The following OTOS variants were observed in gnomAD, a reference collection of about 807,000 sequenced individuals.
OTOS encodes otospiralin.
In OTOS, 14 loss-of-function variants were observed where a neutral mutation model predicts 12.5. The ratio of observed to expected loss-of-function variants is 1.12; its 90% CI spans 0.74 to 1.76. The LOEUF (loss-of-function observed/expected upper bound fraction) is 1.76, where lower values mean the gene tolerates loss of function less well. OTOS is among the 40% of genes most tolerant of loss of function. The probability of loss-of-function intolerance (pLI) is 0.00; values close to 1 mark genes in which losing one functional copy is unlikely to be tolerated. For missense variants in OTOS, 141 were observed against 112.8 expected (o/e 1.25, Z -1.13); for synonymous variants, 49 against 47.6 (o/e 1.03, Z -0.12).
intron 1 of OTOS, 25 bp downstream of exon 1, chr2:240,140,595 T>C (rs1056692782): frequency 2.2e-5 from 11 of 494,960 alleles, no homozygotes; most frequent in African/African-American, 2.2e-4. Flanking sequence ...CCCCCTCCAC[T>C]CTGCCTGGCC....
chr2:240,139,108 G>A lies in OTOS; in HGVS notation c.*62C>T, dbSNP rs770616434. On this transcript the variant is annotated 3_prime_UTR_variant, in exon 4 of 4. Coordinates refer to ENST00000319460, the MANE Select transcript of OTOS (RefSeq NM_148961.4). ...GGCCAGGTTTTTGCGGGGACTCCAT[G>A]CCTGTGGAGGCCCGACCGAGTGCAG... is the stretch of plus-strand genomic sequence containing the variant. 6.4e-7 allele frequency: 1 copy of A among 1,554,602 alleles called. No homozygotes were observed. The highest frequency in any genetic ancestry group is 8.8e-7 in the Non-Finnish European group (1 of 1,142,670).
intron 2 of OTOS, 68 bp downstream of exon 2, chr2:240,140,201 G>T: frequency 6.3e-7 from 1 of 1,589,102 alleles, no homozygotes; most frequent in Admixed American, 1.7e-5. Flanking sequence ...GGATGCATGC[G>T]GGAGGGGAGA....
Position 240,139,334 on chromosome 2 carries a change from C to G in OTOS, c.106G>C (p.Ala36Pro), listed in dbSNP as rs757655744. The G allele has an allele frequency of 6.2e-7, 1 of 1,613,638 alleles. No homozygotes were observed. The highest frequency in any genetic ancestry group is 8.5e-7 in the Non-Finnish European group (1 of 1,179,730). Residue 36 changes from alanine to proline, a missense_variant, in exon 4 of 4, where the codon GCC (alanine) becomes CCC (proline). Coordinates refer to ENST00000319460, the MANE Select transcript of OTOS (RefSeq NM_148961.4). Reference protein sequence around the residue: ...EEGDPYAELPAMPYWPFSTSD... With the variant: ...EEGDPYAELPPMPYWPFSTSD... ...GTGGAGAAAGGCCAGTAGGGCATGG[C>G]CGGCAGCTCCGCGTAAGGGTCTGAA... is the stretch of plus-strand genomic sequence containing the variant.
chr2:240,140,248 C>G (rs1341386303), intron 2 of OTOS, 21 bp downstream of exon 2: 3 of 1,584,446 alleles, frequency 1.9e-6, no homozygotes. Flanking sequence ...GTGGCTGCCT[C>G]CCTCCAGAGC....
intron 1 of OTOS, 87 bp downstream of exon 1, chr2:240,140,533 G>A (rs1302641567): frequency 2.9e-5 from 17 of 583,178 alleles, no homozygotes; most frequent in South Asian, 1.1e-4. Flanking sequence ...CTATTTGGAG[G>A]TGAAATCCCT....
In OTOS at chr2:240,140,060, A is replaced by G. The variant is rs776389353; in HGVS notation, c.85+2T>C. ...GAAAGGAAAGAAATTGGAGAACGGT[A>G]CCTCCTTCCTCCTGCACAGGCTTGG... On this transcript the variant is annotated splice_donor_variant, in intron 3 of 3. Transcript: ENST00000319460. LOFTEE classifies it high-confidence loss of function. 1 of 1,613,222 alleles carries G rather than the reference A, an allele frequency of 6.2e-7. No individual in the cohort carries two copies. Among genetic ancestry groups the G allele is most frequent in the South Asian group, 1.1e-5 (1 of 90,952 alleles).
rs546280148 is a variant in OTOS, at chr2:240,139,164, C to T, written c.*6G>A. 63 of 1,610,940 alleles carry T rather than the reference C, an allele frequency of 3.9e-5. 2 individuals carry two copies. In the South Asian group the frequency reaches 6.4e-4, roughly 16 times the overall value. On this transcript the variant is annotated 3_prime_UTR_variant, in exon 4 of 4. Coordinates refer to ENST00000319460, the MANE Select transcript of OTOS (RefSeq NM_148961.4). ...CGGGGTGGGCGGGCACCAGGCTGGA[C>T]ACCATTCAGTCCTCCTGATAGGGAA...
intron 2 of OTOS, 35 bp downstream of exon 2, chr2:240,140,234 C>T (rs2072043509): frequency 6.3e-7 from 1 of 1,582,792 alleles, no homozygotes; most frequent in African/African-American, 1.3e-5. Context: ...TGTCGGGGGT[C>T]CTGGTGGCTG....
At chr2:240,140,129 C>G (rs369183194) in intron 2 of OTOS, 41 bp from the exon 3 acceptor site, 29 of 1,611,048 alleles carry the variant, frequency 1.8e-5, no homozygotes, top group Middle Eastern at 1.7e-4. Context: ...GAGGACCACC[C>G]AGGTGCCGGT....
chr2:240,140,559 A>C (rs1224006244), intron 1 of OTOS, 61 bp downstream of exon 1: 5 of 546,432 alleles, frequency 9.2e-6, no homozygotes, highest in Admixed American at 3.6e-5. Context: ...AATTGGCCTT[A>C]ATTCCCATGA....
intron 1 of OTOS, 21 bp from the exon 2 acceptor site, chr2:240,140,465 T>TAAAA: frequency 1.2e-6 from 1 of 839,220 alleles, no homozygotes; most frequent in Non-Finnish European, 1.8e-6. Context: ...TGGCATGGAT[T>TAAAA]TAAAAAAAAA....
chr2:240,139,174 T>C lies in OTOS; in HGVS notation c.266A>G (p.Asp89Gly). 1 of 1,613,032 alleles carries C rather than the reference T, an allele frequency of 6.2e-7. No homozygotes were observed. The highest frequency in any genetic ancestry group is 8.5e-7 in the Non-Finnish European group (1 of 1,179,602). Residue 89 changes from aspartate to glycine, a missense_variant, in exon 4 of 4, where the codon GAC (aspartate) becomes GGC (glycine). Transcript: ENST00000319460. ...TLGFHVPYQE[D>G] ...GGGCACCAGGCTGGACACCATTCAG[T>C]CCTCCTGATAGGGAACGTGGAAGCC... is the stretch of plus-strand genomic sequence containing the variant.
chr2:240,139,214 G>C lies in OTOS; in HGVS notation c.226C>G (p.Leu76Val), dbSNP rs2072030006. ...MARTFFAHFPLGSTLGFHVPY... is the reference protein window; with the variant it reads ...MARTFFAHFPVGSTLGFHVPY... ...ACGTGGAAGCCCAGCGTGCTCCCCA[G>C]GGGGAAGTGGGCAAAGAAGGTTCGG... The change falls in exon 4 of 4, where the codon CTG becomes GTG. Residue 76 changes from leucine (L) to valine (V), a missense_variant. Leu to Val is a conservative substitution (Grantham distance 32). Transcript: ENST00000319460. The C allele has an allele frequency of 6.2e-7, 1 of 1,614,094 alleles. No individual in the cohort carries two copies. The highest frequency in any genetic ancestry group is 8.5e-7 in the Non-Finnish European group (1 of 1,180,002).
In OTOS at chr2:240,140,383, G is replaced by A; in HGVS notation, c.-57C>T. ...CCCACCTGCAGCAGGATGAACCCAG[G>A]AAGGGCGAGACCACCCATCCGTCAG... On this transcript the variant is annotated 5_prime_UTR_variant, in exon 2 of 4. Transcript: ENST00000319460. The A allele has an allele frequency of 6.6e-7, 1 of 1,510,462 alleles. No homozygotes were observed. Among genetic ancestry groups the A allele is most frequent in the Non-Finnish European group, 8.9e-7 (1 of 1,121,606 alleles). 93.6% of individuals were successfully genotyped at this position (1,510,462 alleles called of 1,614,324 possible).
At chr2:240,140,028 T>A in intron 3 of OTOS, 34 bp downstream of exon 3, 1 of 1,610,834 alleles carries the variant, frequency 6.2e-7, no homozygotes, top group South Asian at 1.1e-5. Flanking sequence ...CAGTTACTTA[T>A]GCAAATGAAA....
In OTOS at chr2:240,139,207, C is replaced by T. The variant is rs140875882; in HGVS notation, c.233G>A (p.Ser78Asn). 1.1e-5 allele frequency: 17 copies of T among 1,613,898 alleles called. No individual in the cohort carries two copies. The African/African-American group carries it at 2.3e-4, about 22-fold the overall frequency. The change falls in exon 4 of 4, where the codon AGC (serine) becomes AAC (asparagine). Residue 78 changes from serine to asparagine, a missense_variant. Coordinates refer to ENST00000319460, the MANE Select transcript of OTOS (RefSeq NM_148961.4). ...RTFFAHFPLG[S>N]TLGFHVPYQE... ...ATAGGGAACGTGGAAGCCCAGCGTG[C>T]TCCCCAGGGGGAAGTGGGCAAAGAA...
rs2072026863 is a variant in OTOS, at chr2:240,139,046, G to A, written c.*124C>T. ...GCTGGTTGTGCATCTTCAGTCCGGA[G>A]TTTATTGAGCGTGAGACCAGGCCTG... On this transcript the variant is annotated 3_prime_UTR_variant, in exon 4 of 4. Transcript: ENST00000319460. The A allele has an allele frequency of 9.7e-7, 1 of 1,025,784 alleles. No homozygotes were observed. The highest frequency in any genetic ancestry group is 2.8e-5 in the Admixed American group (1 of 35,336). 63.5% of individuals were successfully genotyped at this position (1,025,784 alleles called of 1,614,324 possible). A position where few individuals can be genotyped will look rare whatever the true frequency, so the allele number is the denominator to read the frequency against.
chr2:240,140,280 C>A lies in OTOS; in HGVS notation c.47G>T (p.Gly16Val), dbSNP rs781042715. The A allele has an allele frequency of 1.8e-5, 29 of 1,595,860 alleles. No homozygotes were observed. The East Asian group carries it at 6.1e-4, about 34-fold the overall frequency. ...GAGCGGCCCCTCACCTGCAAGAGGC[C>A]CCAGTAGGAGGCAGAGGGCCAGCCC... is the stretch of plus-strand genomic sequence containing the variant. ...VPGLALCLLL[G>V]PLAGAKPVQE... Residue 16 changes from glycine to valine, a missense_variant, in exon 2 of 4, where the codon GGG becomes GTG. Coordinates refer to ENST00000319460, the MANE Select transcript of OTOS (RefSeq NM_148961.4).
intron 2 of OTOS, 64 bp from the exon 3 acceptor site, chr2:240,140,152 A>T (rs1185063327): frequency 1.2e-6 from 2 of 1,604,976 alleles, no homozygotes; most frequent in African/African-American, 2.7e-5. Flanking sequence ...GGCCCACCCG[A>T]CACCAGCTGC....
Sources: gnomAD v4.1 joint callset for allele counts on GRCh38, gnomAD v4.1.1 for gene constraint, MANE v1.5 for transcripts, NCBI Gene and HGNC (gene_info 2026-07-23, HGNC 2026-07-21) for gene names.